SPAG17: variants seen among roughly 807,000 people sequenced by gnomAD.
SPAG17 encodes the protein sperm-associated antigen 17.
SPAG17 carries 169 observed loss-of-function variants against 273.6 expected under a neutral mutation model. The observed-to-expected ratio is 0.62, with a 90% CI of 0.55 to 0.70. The LOEUF is 0.70. SPAG17 is among the 30% of genes least tolerant of loss of function. The pLI, the probability that SPAG17 is intolerant of heterozygous loss-of-function variation, is 0.00. For synonymous variants in SPAG17, 825 were observed against 873.2 expected (o/e 0.94, Z 0.97); for missense variants, 2,557 against 2,627.8 (o/e 0.97, Z 0.59).
chr1:118,164,821 T>C (rs1481121583), intron 1 of SPAG17, among the ~76,000 whole-genome samples: 3 of 152,228 alleles, frequency 2.0e-5, no homozygotes, highest in Non-Finnish European at 1.5e-5. Context: ...TCTGTGTAAA[T>C]TCTTGAGTCT....
intron 3 of SPAG17, among the ~76,000 whole-genome samples, chr1:118,116,434 C>T (rs1306408476): frequency 6.6e-6 from 1 of 151,982 alleles, no homozygotes; most frequent in Non-Finnish European, 1.5e-5. Context: ...TGCTTTTCTC[C>T]CCCCTTGGAG....
At chr1:118,093,716 T>C (rs1035125598) in intron 7 of SPAG17, among the ~76,000 whole-genome samples, 1 of 152,214 alleles carries the variant, frequency 6.6e-6, no homozygotes, top group African/African-American at 2.4e-5. Flanking sequence ...CTTACCTGGC[T>C]ATGCAAGGAA....
At chr1:118,070,152 G>A (rs1020082591) in intron 17 of SPAG17, among the ~76,000 whole-genome samples, 1 of 152,124 alleles carries the variant, frequency 6.6e-6, no homozygotes, top group African/African-American at 2.4e-5. Context: ...ACTTCAACTT[G>A]TTGAAGGAGA....
intron 1 of SPAG17, among the ~76,000 whole-genome samples, chr1:118,170,156 T>C (rs1402217336): frequency 3.3e-5 from 5 of 152,192 alleles, no homozygotes; most frequent in African/African-American, 1.2e-4. Context: ...TTTCTTCATA[T>C]TTCAAAGTAA....
rs555729052 is a variant in SPAG17 at position 117,973,436 on chromosome 1, G to T, written c.6130C>A (p.Pro2044Thr). ...AATGTTTGTTTTACCTTTGCAAGAGGTTGAGACTTAGGCTTGGAACTCAGC... is the reference window on the plus strand; with the variant it reads ...AATGTTTGTTTTACCTTTGCAAGAGTTTGAGACTTAGGCTTGGAACTCAGC... ...YLLSSKPKSQPLAKVQDSVGG... is the reference protein window; with the variant it reads ...YLLSSKPKSQTLAKVQDSVGG... The change falls in exon 44 of 49, where the codon CCT becomes ACT. Residue 2044 changes from proline to threonine, a missense_variant. Coordinates refer to ENST00000336338, the MANE Select transcript of SPAG17 (RefSeq NM_206996.4). 9.3e-5 allele frequency: 150 copies of T among 1,613,188 alleles called. No individual in the cohort carries two copies. In the South Asian group the frequency reaches 1.3e-3, roughly 14 times the overall value.
At chr1:117,992,720 G>T in intron 35 of SPAG17, 72 bp from the exon 36 acceptor site, 3 of 1,287,644 alleles carry the variant, frequency 2.3e-6, no homozygotes, top group Non-Finnish European at 3.1e-6. Context: ...TTTTTTAACT[G>T]TTCATTTATT....
chr1:118,085,205 T>C (rs1654894277), intron 13 of SPAG17, among the ~76,000 whole-genome samples: 1 of 152,028 alleles, frequency 6.6e-6, no homozygotes, highest in Non-Finnish European at 1.5e-5. Context: ...TTTTTTTTCT[T>C]CTCTAATTAA....
Position 118,016,055 on chromosome 1 carries a change from T to C in SPAG17, c.4197A>G (p.Glu1399=), listed in dbSNP as rs745738757. The stretch of plus-strand genomic sequence containing the variant: ...ATCCTTTGGTGCCGATCCGATTTCC[T>C]TCAGGTGTGGTTGTAAACCAGGTGC... ...HIGTWFTTTP[E]GNRIGTKGLE... The change falls in exon 29 of 49, where the codon GAA becomes GAG. Residue 1399 remains glutamate (E), a synonymous_variant. Transcript: ENST00000336338. 2 of 1,614,082 alleles carry C rather than the reference T, an allele frequency of 1.2e-6. No individual in the cohort carries two copies. The highest frequency in any genetic ancestry group is 1.7e-6 in the Non-Finnish European group (2 of 1,179,964).
chr1:118,136,999 C>T (rs1286919405), intron 3 of SPAG17, among the ~76,000 whole-genome samples: 1 of 152,094 alleles, frequency 6.6e-6, no homozygotes, highest in Non-Finnish European at 1.5e-5. Context: ...CAGAAATTTG[C>T]TGTCATTCCT....
intron 3 of SPAG17, among the ~76,000 whole-genome samples, chr1:118,125,370 C>T (rs1309364569): frequency 6.6e-6 from 1 of 152,022 alleles, no homozygotes; most frequent in Non-Finnish European, 1.5e-5. Flanking sequence ...CTTATCATTT[C>T]TTTGTGTTAG....
At chr1:118,152,137 T>G (rs527708201) in intron 1 of SPAG17, among the ~76,000 whole-genome samples, 74 of 152,170 alleles carry the variant, frequency 4.9e-4, no homozygotes, top group African/African-American at 1.8e-3. Context: ...CTAACAATTT[T>G]AGGGAGAGAT....
intron 32 of SPAG17, among the ~76,000 whole-genome samples, chr1:117,999,743 A>G (rs1471517108): frequency 1.3e-5 from 2 of 152,060 alleles, no homozygotes; most frequent in Non-Finnish European, 1.5e-5. Context: ...AGATGAGTAG[A>G]TTGCAAAAAT....
At chr1:117,957,173 C>A in intron 48 of SPAG17, 1 of 1,611,608 alleles carries the variant, frequency 6.2e-7, no homozygotes, top group African/African-American at 1.3e-5. Flanking sequence ...AACTTATATG[C>A]CGGTGCCTCT....
chr1:117,961,989 C>G (rs1339161616), intron 48 of SPAG17: 1 of 151,796 alleles, frequency 6.6e-6, no homozygotes, highest in Non-Finnish European at 1.5e-5. Flanking sequence ...ATAAATGTCA[C>G]TTTCTAGTAA....
chr1:118,043,656 T>C (rs1650024052), intron 20 of SPAG17, among the ~76,000 whole-genome samples: 1 of 152,222 alleles, frequency 6.6e-6, no homozygotes, highest in Non-Finnish European at 1.5e-5. Flanking sequence ...GGGGTACTTA[T>C]ACTAGAAATA....
intron 7 of SPAG17, among the ~76,000 whole-genome samples, chr1:118,096,991 T>TTGGGAGG (rs1364785110): frequency 4.6e-5 from 7 of 152,048 alleles, no homozygotes; most frequent in Non-Finnish European, 1.0e-4. Flanking sequence ...TCCTAGCACT[T>TTGGGAGG]CGGGAGGCCA....
chr1:118,042,039 A>G lies in SPAG17; in HGVS notation c.2818T>C (p.Trp940Arg), dbSNP rs1409307945. 1 of 1,609,724 alleles carries G rather than the reference A, an allele frequency of 6.2e-7. No homozygotes were observed. The highest frequency in any genetic ancestry group is 1.1e-5 in the South Asian group (1 of 89,960). Residue 940 changes from tryptophan to arginine, a missense_variant, in exon 21 of 49, where the codon TGG becomes CGG. Trp to Arg is a moderately radical substitution (Grantham distance 101). Coordinates refer to ENST00000336338, the MANE Select transcript of SPAG17 (RefSeq NM_206996.4). ...PFILEGSLKAWKEEQHRLAEE... is the reference protein window; with the variant it reads ...PFILEGSLKARKEEQHRLAEE... ...GCTAATCGATGTTGCTCTTCTTTCCATGCCTGTAAACACATTTAAGAAATT... is the reference window on the plus strand; with the variant it reads ...GCTAATCGATGTTGCTCTTCTTTCCGTGCCTGTAAACACATTTAAGAAATT...
chr1:118,174,278 T>C (rs1660575720), intron 1 of SPAG17, among the ~76,000 whole-genome samples: 1 of 151,760 alleles, frequency 6.6e-6, no homozygotes, highest in Non-Finnish European at 1.5e-5. Flanking sequence ...CAAAAAGAAA[T>C]TATTAAAAGG....
intron 10 of SPAG17, among the ~76,000 whole-genome samples, chr1:118,089,933 T>C (rs768765457): frequency 1.1e-4 from 16 of 152,136 alleles, no homozygotes; most frequent in Non-Finnish European, 1.9e-4. Context: ...GTTTTAAAAG[T>C]GGTAGTTTGT....
Sources: allele counts gnomAD v4.1 joint callset (sites outside exome capture counted in the v4.1 genomes callset), GRCh38; gene constraint gnomAD v4.1.1; transcripts MANE v1.5; gene names NCBI Gene and HGNC (gene_info 2026-07-23, HGNC 2026-07-21).